UPF2: variants seen among roughly 807,000 people sequenced by gnomAD.
UPF2 encodes UPF2 regulator of nonsense mediated mRNA decay.
In UPF2, 17 loss-of-function variants were observed where a neutral mutation model predicts 141.4. That is an observed-to-expected ratio of 0.12 (90% CI 0.08 to 0.18). UPF2 has a LOEUF of 0.18. Among genes scored for constraint, UPF2 ranks in the 10% least tolerant of loss-of-function variants. The pLI is 1.00. For missense variants in UPF2, 1,152 were observed against 1,515.9 expected (o/e 0.76, Z 3.99); for synonymous variants, 540 against 498.0 (o/e 1.08, Z -1.12).
intron 15 of UPF2, 129 bp downstream of exon 15, chr10:11,951,937 C>T (rs1833080203): frequency 1.1e-6 from 1 of 929,974 alleles, no homozygotes; most frequent in Non-Finnish European, 1.6e-6. Flanking sequence ...CCTAACACTA[C>T]TACGTAACAC....
At chr10:11,963,931 A>G (rs1329549935) in intron 11 of UPF2, 78 bp downstream of exon 11, 1 of 972,170 alleles carries the variant, frequency 1.0e-6, no homozygotes, top group African/African-American at 1.6e-5. Flanking sequence ...GATAACCAGC[A>G]CTGGTCAATA....
chr10:11,963,982 C>T, intron 11 of UPF2, 27 bp downstream of exon 11: 1 of 1,533,370 alleles, frequency 6.5e-7, no homozygotes, highest in Non-Finnish European at 9.0e-7. Flanking sequence ...GAACCTCTAG[C>T]TCTTACCAGC....
At position 11,964,003 on chromosome 10, in the gene UPF2, C is replaced by A. The variant is rs1325905660; in HGVS notation, c.2184+6G>T. ...CTAGCTCTTACCAGCATCCTCAAGC[C>A]CTTACCAAAAGTACACTGGTCCTCA... On this transcript the variant is annotated splice_donor_region_variant and intron_variant, in intron 11 of 21. Coordinates refer to ENST00000357604, the MANE Select transcript of UPF2 (RefSeq NM_015542.4). The A allele has an allele frequency of 6.2e-7, 1 of 1,604,638 alleles. No individual in the cohort carries two copies. Among genetic ancestry groups the A allele is most frequent in the Non-Finnish European group, 8.5e-7 (1 of 1,172,416 alleles).
chr10:12,006,053 C>T (rs11812638), intron 4 of UPF2, among the ~76,000 whole-genome samples: 10,734 of 148,960 alleles, frequency 0.072, 398 homozygotes, highest in Middle Eastern at 0.083. Flanking sequence ...CTAATTTTTC[C>T]ATTTTTAGTA....
At chr10:11,982,374 C>T (rs1388429550) in intron 8 of UPF2, among the ~76,000 whole-genome samples, 2 of 152,152 alleles carry the variant, frequency 1.3e-5, no homozygotes, top group Admixed American at 6.5e-5. Context: ...ATCTCCATGA[C>T]CTCAGGGACT....
intron 18 of UPF2, among the ~76,000 whole-genome samples, chr10:11,941,696 C>G (rs1198506779): frequency 6.6e-6 from 1 of 152,206 alleles, no homozygotes; most frequent in Admixed American, 6.5e-5. Flanking sequence ...CCATTCTCCA[C>G]CAAACCCACC....
chr10:11,968,005 C>T (rs769571604), intron 9 of UPF2, among the ~76,000 whole-genome samples: 1 of 152,190 alleles, frequency 6.6e-6, no homozygotes, highest in Admixed American at 6.5e-5. Context: ...ATGGCGAAAC[C>T]CTGTCTCTAC....
intron 21 of UPF2, 26 bp downstream of exon 21, chr10:11,929,839 T>C (rs1192534114): frequency 1.2e-6 from 2 of 1,611,842 alleles, no homozygotes; most frequent in Non-Finnish European, 1.7e-6. Context: ...AACAAACAGC[T>C]AAGGAAGGAG....
chr10:11,970,057 A>G (rs979720025), intron 9 of UPF2, among the ~76,000 whole-genome samples: 3 of 152,232 alleles, frequency 2.0e-5, no homozygotes, highest in Admixed American at 2.0e-4. Flanking sequence ...CAAAAGTTCT[A>G]GAGTTAGAAT....
intron 12 of UPF2, among the ~76,000 whole-genome samples, chr10:11,957,698 G>A (rs932517798): frequency 6.6e-6 from 1 of 151,922 alleles, no homozygotes; most frequent in Non-Finnish European, 1.5e-5. Context: ...TGTATTTTTG[G>A]TAGAAATGAG....
At chr10:11,947,786 C>CAAAAAA (rs58897556) in intron 16 of UPF2, among the ~76,000 whole-genome samples, 12 of 65,596 alleles carry the variant, frequency 1.8e-4, no homozygotes, top group Non-Finnish European at 3.2e-4. Flanking sequence ...AACCTTGTCT[C>CAAAAAA]AAAAAAAAAA....
At chr10:11,962,590 C>G (rs1211367860) in intron 11 of UPF2, among the ~76,000 whole-genome samples, 2 of 152,198 alleles carry the variant, frequency 1.3e-5, no homozygotes, top group Non-Finnish European at 2.9e-5. Context: ...CTGAAACAGC[C>G]TTCTGACTGT....
In UPF2 at chr10:11,936,367, A is replaced by AAAAAAC. The variant is rs535061362; in HGVS notation, c.3546+172_3546+177dup. On this transcript the variant is annotated intron_variant, in intron 19 of 21. Transcript: ENST00000357604. This position sits in a 1 kb window ranked among gnomAD's most constrained non-coding sequence, Gnocchi z 6.6. ...GCGACAAAGTGAGACGCCGTCTCAA[A>AAAAAAC]AAAAACAAAAACAAAAACAAAAACA... is the stretch of plus-strand genomic sequence containing the variant. Among the ~76,000 whole-genome samples the AAAAAAC allele has an allele frequency of 7.8e-3, 1,178 of 151,988 alleles. 15 individuals are homozygous for AAAAAAC. Among genetic ancestry groups the AAAAAAC allele is most frequent in the African/African-American group, 0.012 (495 of 41,402 alleles).
At position 12,035,108 on chromosome 10, in the gene UPF2, C is replaced by T; in HGVS notation, c.316G>A (p.Glu106Lys). The change falls in exon 2 of 22, where the codon GAA becomes AAA. Residue 106 changes from glutamate to lysine, a missense_variant. Transcript: ENST00000357604. Reference sequence around the variant, plus strand: ...TCTTGCTGACGTTTGGCCTGCTCTTCTTGCTTCTTTCTCTCTTCCTCTTGA... The same window carrying T: ...TCTTGCTGACGTTTGGCCTGCTCTTTTTGCTTCTTTCTCTCTTCCTCTTGA... The part of the protein sequence containing the change: ...KHQEEERKKQ[E>K]EQAKRQQEEE... The T allele has an allele frequency of 1.3e-6, 2 of 1,587,810 alleles. No individual in the cohort carries two copies. The highest frequency in any genetic ancestry group is 8.5e-7 in the Non-Finnish European group (1 of 1,174,066).
intron 8 of UPF2, among the ~76,000 whole-genome samples, chr10:11,987,846 T>A (rs1406831781): frequency 1.3e-5 from 2 of 149,886 alleles, no homozygotes; most frequent in Admixed American, 1.3e-4. Context: ...ATTTATTTAA[T>A]GAAGGAAGAA....
rs1317054377 is a variant in UPF2 at position 11,959,399 on chromosome 10, A to G, written c.2185-43T>C. 1.3e-6 allele frequency: 2 copies of G among 1,515,692 alleles called. No individual in the cohort carries two copies. The highest frequency in any genetic ancestry group is 1.8e-6 in the Non-Finnish European group (2 of 1,135,930). The allele number at this position is 1,515,692 out of a possible 1,614,324, so 93.9% of individuals were successfully genotyped here. On this transcript the variant is annotated intron_variant, in intron 11 of 21. Coordinates refer to ENST00000357604, the MANE Select transcript of UPF2 (RefSeq NM_015542.4). The surrounding 1 kb of genome is among the most constrained non-coding windows in gnomAD (Gnocchi z 5.9). Reference sequence around the variant, plus strand: ...AATTAATCAAAACACGTTCCTTCTAAGATTCCTTTACTCCTAACTAAACTT... The same window carrying G: ...AATTAATCAAAACACGTTCCTTCTAGGATTCCTTTACTCCTAACTAAACTT...
rs927410901 is a variant in UPF2 at position 11,921,454 on chromosome 10, A to G, written c.3810-147T>C. ...GCATCTGCGGGTTCCACATCCATGG[A>G]CCAAAAATATTCGGGGGAAAAAAAC... On this transcript the variant is annotated intron_variant, in intron 21 of 21. Transcript: ENST00000357604. This position sits in a 1 kb window ranked among gnomAD's most constrained non-coding sequence, Gnocchi z 5.9. 5 of 837,972 alleles carry G rather than the reference A, an allele frequency of 6.0e-6. No individual in the cohort carries two copies. Among genetic ancestry groups the G allele is most frequent in the Non-Finnish European group, 9.7e-6 (5 of 514,992 alleles). 51.9% of individuals were successfully genotyped at this position (837,972 alleles called of 1,614,324 possible). A position where few individuals can be genotyped will look rare whatever the true frequency, so the allele number is the denominator to read the frequency against.
intron 16 of UPF2, among the ~76,000 whole-genome samples, chr10:11,943,773 C>G (rs1402817119): frequency 6.6e-6 from 1 of 152,104 alleles, no homozygotes; most frequent in African/African-American, 2.4e-5. Flanking sequence ...AAGACCTGGC[C>G]TTTCAGCTCC....
At position 12,014,451 on chromosome 10, in the gene UPF2, A is replaced by G. The variant is rs1030828499; in HGVS notation, c.1146-267T>C. On this transcript the variant is annotated intron_variant, in intron 3 of 21. Coordinates refer to ENST00000357604, the MANE Select transcript of UPF2 (RefSeq NM_015542.4). The surrounding 1 kb of genome is among the most constrained non-coding windows in gnomAD (Gnocchi z 5.0). ...ATATTTAACAATATACATCTAAATA[A>G]TTTTAAATTATTCAGTATTTTATTA... Among the ~76,000 whole-genome samples the G allele has an allele frequency of 6.6e-6, 1 of 152,176 alleles. No homozygotes were observed. The highest frequency in any genetic ancestry group is 2.4e-5 in the African/African-American group (1 of 41,454).
Sources: gnomAD v4.1 joint callset for allele counts (sites outside exome capture counted in the v4.1 genomes callset) on GRCh38, gnomAD v4.1.1 for gene constraint, Gnocchi (gnomAD v3.1) non-coding constraint, MANE v1.5 for transcripts, NCBI Gene and HGNC (gene_info 2026-07-23, HGNC 2026-07-21) for gene names.